HOMEZ: variants seen among roughly 807,000 people sequenced by gnomAD.
HOMEZ encodes homeobox and leucine zipper protein Homez.
Under a neutral mutation model 50.1 loss-of-function variants are expected in HOMEZ, and 20 were observed. That is an observed-to-expected ratio of 0.40 (90% confidence interval 0.28 to 0.58). The LOEUF is 0.58. Ranked by LOEUF, HOMEZ falls within the 20% of genes least tolerant of loss-of-function variation. The pLI is 0.46. For missense variants in HOMEZ, 579 were observed against 680.5 expected, an observed-to-expected ratio of 0.85 and a Z score of 1.66; for synonymous variants, 239 against 254.7, an observed-to-expected ratio of 0.94 and a Z score of 0.59.
At chr14:23,280,353 T>C (rs1000591853) in intron 1 of HOMEZ, among the ~76,000 whole-genome samples, 1 of 151,950 alleles carries the variant, frequency 6.6e-6, no homozygotes, top group Admixed American at 6.6e-5. Context: ...CCCAGAAAGC[T>C]CCCTCAGTCA....
At position 23,276,554 on chromosome 14, in the gene HOMEZ, C is replaced by A. The variant is rs760884609; in HGVS notation, c.674G>T (p.Ser225Ile). Residue 225 changes from serine to isoleucine, a missense_variant, in exon 2 of 2, where the codon AGC becomes ATC. Ser to Ile is a moderately radical substitution (Grantham distance 142). Transcript: ENST00000357460. This position sits in a 1 kb window ranked among gnomAD's most constrained non-coding sequence, Gnocchi z 4.1. ...TGCCTGCTCCTTTGAGAGGCCACTG[C>A]TTTGAAGATGTTGCCAAAAATCTGA... ...YQSDFWQHLQ[S>I]SGLSKEQAGR... 17 of 1,613,886 alleles carry A rather than the reference C, an allele frequency of 1.1e-5. No homozygotes were observed. The African/African-American group carries it at 2.0e-4, about 19-fold the overall frequency.
intron 1 of HOMEZ, among the ~76,000 whole-genome samples, chr14:23,280,747 T>TAATTTAATTTA (rs1886520974): frequency 9.9e-6 from 1 of 101,520 alleles, no homozygotes; most frequent in African/African-American, 3.7e-5. Flanking sequence ...TTTATTATTT[T>TAATTTAATTTA]ATTTTATTTT....
Position 23,280,750 on chromosome 14 carries a change from T to A in HOMEZ, c.41-3563A>T, listed in dbSNP as rs201123399. 2.3e-5 allele frequency among the ~76,000 whole-genome samples: 2 copies of A among 87,304 alleles called. 1 individual carries two copies. The highest frequency in any genetic ancestry group is 2.8e-4 in the Admixed American group (2 of 7,198). 57.3% of individuals were successfully genotyped at this position (87,304 alleles called of 152,430 possible). On this transcript the variant is annotated intron_variant, in intron 1 of 1. Coordinates refer to ENST00000357460, the MANE Select transcript of HOMEZ (RefSeq NM_020834.3). ...ATTTTATTTTATTTTATTATTTTATTTTATTTTATTTTATTTTATTTTATT... is the reference window on the plus strand; with the variant it reads ...ATTTTATTTTATTTTATTATTTTATATTATTTTATTTTATTTTATTTTATT...
chr14:23,276,872 A>T lies in HOMEZ; in HGVS notation c.356T>A (p.Ile119Lys). The part of the protein sequence containing the change: ...RCGISWSSEE[I>K]EETRARVVYR... Reference sequence around the variant, plus strand: ...GACTACTCGGGCTCGAGTCTCTTCTATTTCTTCAGATGACCAGCTAATACC... The same window carrying T: ...GACTACTCGGGCTCGAGTCTCTTCTTTTTCTTCAGATGACCAGCTAATACC... Residue 119 changes from isoleucine to lysine, a missense_variant, in exon 2 of 2, where the codon ATA becomes AAA. Physicochemically the swap from Ile to Lys is moderately radical, Grantham distance 102. Transcript: ENST00000357460. This position sits in a 1 kb window ranked among gnomAD's most constrained non-coding sequence, Gnocchi z 4.1. 1.2e-6 allele frequency: 2 copies of T among 1,614,040 alleles called. No individual in the cohort carries two copies. The highest frequency in any genetic ancestry group is 1.7e-6 in the Non-Finnish European group (2 of 1,179,898).
In HOMEZ at chr14:23,276,223, T is replaced by G. The variant is rs1287339739; in HGVS notation, c.1005A>C (p.Leu335=). ...CTCTACCTGGTACTGAGTTATGCCG[T>G]AGCCCTTGGGGCCAGGCTGGTTCCA... ...PHLEPAWPQG[L]RHNSVPGRVG... Residue 335 remains leucine, a synonymous_variant, in exon 2 of 2, where the codon CTA becomes CTC. Transcript: ENST00000357460. This position sits in a 1 kb window ranked among gnomAD's most constrained non-coding sequence, Gnocchi z 4.1. 1 of 1,613,990 alleles carries G rather than the reference T, an allele frequency of 6.2e-7. No homozygotes were observed.
chr14:23,282,703 A>G (rs1386668511), intron 1 of HOMEZ, among the ~76,000 whole-genome samples: 1 of 152,246 alleles, frequency 6.6e-6, no homozygotes, highest in Non-Finnish European at 1.5e-5. Context: ...TAAGGCAGGC[A>G]CATTTATAAG....
At position 23,275,656 on chromosome 14, in the gene HOMEZ, C is replaced by T; in HGVS notation, c.1572G>A (p.Leu524=). 3.8e-6 allele frequency: 6 copies of T among 1,567,814 alleles called. No individual in the cohort carries two copies. The highest frequency in any genetic ancestry group is 5.2e-6 in the Non-Finnish European group (6 of 1,155,250). Residue 524 remains leucine, a synonymous_variant, in exon 2 of 2, where the codon CTG becomes CTA. Transcript: ENST00000357460. ...CCTCCTCTTCCTCATCATCTTCTGG[C>T]AGTTCTTCCTCCTCCTCTTCCTCTT... ...DEEEEEEEEE[L]PEDDEEEEEE... is the part of the protein sequence containing the mutation.
Position 23,276,777 on chromosome 14 carries a change from C to A in HOMEZ, c.451G>T (p.Glu151Ter). 6.2e-7 allele frequency: 1 copy of A among 1,614,078 alleles called. No homozygotes were observed. Among genetic ancestry groups the A allele is most frequent in the Non-Finnish European group, 8.5e-7 (1 of 1,179,908 alleles). ...GCTGGCACTGGAGGAGGAGGCACCT[C>A]CTCTGGGGGCCGTCCCGCATGATGA... ...FTHHAGRPPEEVPPPPVPAPE... is the reference protein window; with the variant it reads ...FTHHAGRPPE Residue 151 changes from glutamate (E) to a stop codon, truncating the protein, a stop_gained, in exon 2 of 2, where the codon GAG (glutamate) becomes TAG (stop). Coordinates refer to ENST00000357460, the MANE Select transcript of HOMEZ (RefSeq NM_020834.3). LOFTEE classifies it high-confidence loss of function. This position sits in a 1 kb window ranked among gnomAD's most constrained non-coding sequence, Gnocchi z 4.1.
In HOMEZ at chr14:23,274,919, AG is replaced by A. The variant is rs1409704068; in HGVS notation, c.*655del. The A allele has an allele frequency of 1.3e-5, 2 of 152,136 alleles. No individual in the cohort carries two copies. Among genetic ancestry groups the A allele is most frequent in the African/African-American group, 4.8e-5 (2 of 41,388 alleles). The allele number at this position is 152,136 out of a possible 1,614,324, so 9.4% of individuals were successfully genotyped here. A position where few individuals can be genotyped will look rare whatever the true frequency, so the allele number is the denominator to read the frequency against. ...AGACTCCACCTCAAAAAAAAAAAAA[AG>A]AACTGAAAAATTCTGCCACCTGTGA... On this transcript the variant is annotated 3_prime_UTR_variant, in exon 2 of 2. Coordinates refer to ENST00000357460, the MANE Select transcript of HOMEZ (RefSeq NM_020834.3).
Position 23,275,761 on chromosome 14 carries a change from C to T in HOMEZ, c.1467G>A (p.Arg489=). ...TDIPQLSQAS[R]LSTQQVLDWF... is the part of the protein sequence containing the mutation. ...AATCCAGCACCTGCTGGGTGCTAAG[C>T]CTTGATGCCTGACTCAATTGAGGGA... The change falls in exon 2 of 2, where the codon AGG becomes AGA. Residue 489 remains arginine (R), a synonymous_variant. Coordinates refer to ENST00000357460, the MANE Select transcript of HOMEZ (RefSeq NM_020834.3). 1 of 1,613,724 alleles carries T rather than the reference C, an allele frequency of 6.2e-7. No homozygotes were observed. Among genetic ancestry groups the T allele is most frequent in the Non-Finnish European group, 8.5e-7 (1 of 1,179,752 alleles).
chr14:23,277,287 CTGTATT>C, intron 1 of HOMEZ, 100 bp from the exon 2 acceptor site: 2 of 1,126,812 alleles, frequency 1.8e-6, no homozygotes, highest in Non-Finnish European at 2.4e-6. Flanking sequence ...ACAATTTAAT[CTGTATT>C]TGTATCATGT....
rs2140496473 is a variant in HOMEZ at position 23,272,744 on chromosome 14, A to G, written c.*2831T>C. 2 of 872,920 alleles carry G rather than the reference A, an allele frequency of 2.3e-6. No homozygotes were observed. The highest frequency in any genetic ancestry group is 4.0e-5 in the Admixed American group (2 of 50,020). 54.1% of individuals were successfully genotyped at this position (872,920 alleles called of 1,614,324 possible). A position where few individuals can be genotyped will look rare whatever the true frequency, so the allele number is the denominator to read the frequency against. On this transcript the variant is annotated 3_prime_UTR_variant, in exon 2 of 2. Coordinates refer to ENST00000357460, the MANE Select transcript of HOMEZ (RefSeq NM_020834.3). ...AGTGGTGTCTGTCTCGATAAGCTTC[A>G]TACAACAGGTCAGAGAGACTTGCTT... is the stretch of plus-strand genomic sequence containing the variant.
intron 1 of HOMEZ, 64 bp from the exon 2 acceptor site, chr14:23,277,251 T>C (rs1400226045): frequency 2.9e-6 from 4 of 1,399,754 alleles, no homozygotes; most frequent in Non-Finnish European, 3.8e-6. Flanking sequence ...GCTCAATTTC[T>C]ACCAAACTAA....
intron 1 of HOMEZ, among the ~76,000 whole-genome samples, chr14:23,282,088 A>G (rs1313956813): frequency 1.3e-5 from 2 of 152,192 alleles, no homozygotes; most frequent in Non-Finnish European, 1.5e-5. Flanking sequence ...TAAGGGCTCA[A>G]TAAATAGCAG....
chr14:23,280,720 ATTTTATTTTATTTTATT>A (rs1886505960), intron 1 of HOMEZ, among the ~76,000 whole-genome samples: 1 of 65,052 alleles, frequency 1.5e-5, no homozygotes, highest in Non-Finnish European at 3.0e-5. Flanking sequence ...TTTTTATTTT[ATTTTATTTTATTTTATT>A]TTATTATTTT....
chr14:23,280,705 T>TTTATTTTATTTTATTTTTG (rs1555323531), intron 1 of HOMEZ, among the ~76,000 whole-genome samples: 1 of 59,746 alleles, frequency 1.7e-5, no homozygotes, highest in Non-Finnish European at 3.8e-5. Context: ...ATTTTTATAT[T>TTTATTTTATTTTATTTTTG]TTTATTTTTA....
At position 23,276,398 on chromosome 14, in the gene HOMEZ, G is replaced by C. The variant is rs73602454; in HGVS notation, c.830C>G (p.Ser277Ter). The C allele has an allele frequency of 6.2e-7, 1 of 1,613,988 alleles. No individual in the cohort carries two copies. The highest frequency in any genetic ancestry group is 8.5e-7 in the Non-Finnish European group (1 of 1,179,854). The part of the protein sequence containing the change: ...ALIASSCKEE[S>*]ASSVTPSSSS... ...AGAAGAGGGAGTAACACTAGATGCT[G>C]ACTCCTCCTTACAACTACTGGCAAT... The change falls in exon 2 of 2, where the codon TCA becomes TGA. Residue 277 changes from serine (S) to a stop codon, truncating the protein, a stop_gained. Coordinates refer to ENST00000357460, the MANE Select transcript of HOMEZ (RefSeq NM_020834.3). LOFTEE classifies it high-confidence loss of function. This position sits in a 1 kb window ranked among gnomAD's most constrained non-coding sequence, Gnocchi z 4.1.
intron 1 of HOMEZ, among the ~76,000 whole-genome samples, chr14:23,280,753 ATTTTATT>A (rs1886524343): frequency 1.3e-5 from 1 of 77,558 alleles, no homozygotes; most frequent in Non-Finnish European, 2.7e-5. Flanking sequence ...ATTTTATTTT[ATTTTATT>A]TTATTTTATT....
rs756143600 is a variant in HOMEZ at position 23,275,873 on chromosome 14, G to A, written c.1355C>T (p.Pro452Leu). 1 of 1,598,668 alleles carries A rather than the reference G, an allele frequency of 6.3e-7. No individual in the cohort carries two copies. Among genetic ancestry groups the A allele is most frequent in the Non-Finnish European group, 8.5e-7 (1 of 1,171,630 alleles). Residue 452 changes from proline (P) to leucine (L), a missense_variant, in exon 2 of 2, where the codon CCA becomes CTA. Transcript: ENST00000357460. ...TRSLNERAET[P>L]PLPIPPPPPD... ...TGGGGGTGGAGGGATCGGCAGAGGT[G>A]GTGTCTCAGCCCTTTCGTTCAAGGA...
Sources: allele counts gnomAD v4.1 joint callset (sites outside exome capture counted in the v4.1 genomes callset), GRCh38; gene constraint gnomAD v4.1.1; non-coding constraint Gnocchi (gnomAD v3.1); transcripts MANE v1.5; gene names NCBI Gene and HGNC (gene_info 2026-07-23, HGNC 2026-07-21).